The following NRIP1 variants were observed in gnomAD, a reference collection of about 807,000 sequenced individuals.
The protein encoded by NRIP1 is nuclear receptor interacting protein 1, also known as nuclear receptor-interacting protein 1.
NRIP1 carries 28 observed loss-of-function variants against 75.0 expected under a neutral mutation model. The observed-to-expected ratio is 0.37, with a 90% CI of 0.28 to 0.51. The LOEUF is 0.51. Among genes scored for constraint, NRIP1 ranks in the 20% least tolerant of loss-of-function variants. NRIP1 has a pLI of 0.92. For synonymous variants in NRIP1, 526 were observed against 487.6 expected, an observed-to-expected ratio of 1.08 and a Z score of -1.04; for missense variants, 1,435 against 1,343.7, an observed-to-expected ratio of 1.07 and a Z score of -1.06.
intron 2 of NRIP1, among the ~76,000 whole-genome samples, chr21:15,029,586 A>T (rs941966497): frequency 3.9e-5 from 6 of 152,072 alleles, no homozygotes; most frequent in African/African-American, 1.4e-4. Flanking sequence ...GAGGGTAGCA[A>T]TTTTTTTTCT....
At chr21:15,060,818 T>C (rs772982547) in intron 1 of NRIP1, among the ~76,000 whole-genome samples, 14 of 152,168 alleles carry the variant, frequency 9.2e-5, no homozygotes, top group Non-Finnish European at 1.9e-4. Context: ...TGCTTCAGCA[T>C]CAGATGCAAA....
At chr21:15,047,338 G>C (rs1222839947) in intron 1 of NRIP1, among the ~76,000 whole-genome samples, 2 of 152,102 alleles carry the variant, frequency 1.3e-5, no homozygotes, top group Non-Finnish European at 2.9e-5. Context: ...TCAGGAGACA[G>C]AGACCATCCT....
intron 2 of NRIP1, among the ~76,000 whole-genome samples, chr21:15,031,292 T>C (rs80080289): frequency 2.3e-4 from 29 of 126,520 alleles, no homozygotes; most frequent in East Asian, 6.4e-4. Flanking sequence ...GGAAGGCGGT[T>C]GGAGGTTCAC....
At chr21:15,041,871 A>C (rs2147317924) in intron 2 of NRIP1, among the ~76,000 whole-genome samples, 1 of 152,266 alleles carries the variant, frequency 6.6e-6, no homozygotes, top group East Asian at 1.9e-4. Context: ...GATAAAGTAT[A>C]TTTTAAATTT....
intron 3 of NRIP1, among the ~76,000 whole-genome samples, chr21:14,981,768 T>C (rs1309492563): frequency 6.6e-6 from 1 of 152,198 alleles, no homozygotes; most frequent in African/African-American, 2.4e-5. Context: ...CATTTTTCTG[T>C]TGCTTTTTGT....
chr21:15,039,027 A>G (rs1225589310), intron 2 of NRIP1, among the ~76,000 whole-genome samples: 1 of 152,170 alleles, frequency 6.6e-6, no homozygotes, highest in Non-Finnish European at 1.5e-5. Context: ...TTGGAAAAAG[A>G]GAACAGCATA....
At chr21:14,978,241 CTA>C (rs2087131649) in intron 3 of NRIP1, among the ~76,000 whole-genome samples, 1 of 152,132 alleles carries the variant, frequency 6.6e-6, no homozygotes, top group African/African-American at 2.4e-5. Flanking sequence ...AATTTTATTC[CTA>C]TGATTCCAAG....
chr21:15,036,827 G>A (rs894036205), intron 2 of NRIP1, among the ~76,000 whole-genome samples: 2 of 152,224 alleles, frequency 1.3e-5, no homozygotes, highest in East Asian at 1.9e-4. Context: ...TCTGTGAAAT[G>A]ATTCTTTTTT....
chr21:15,041,422 A>G (rs967286662), intron 2 of NRIP1, among the ~76,000 whole-genome samples: 1 of 152,122 alleles, frequency 6.6e-6, no homozygotes, highest in Non-Finnish European at 1.5e-5. Flanking sequence ...AACAACAATC[A>G]AGCTAGCAAA....
intron 3 of NRIP1, among the ~76,000 whole-genome samples, chr21:14,995,080 C>T (rs1315587930): frequency 2.0e-5 from 3 of 152,100 alleles, no homozygotes; most frequent in African/African-American, 7.2e-5. Flanking sequence ...GATGGTATTG[C>T]AAATACAGCT....
At chr21:15,000,444 C>T (rs1296904441) in intron 3 of NRIP1, among the ~76,000 whole-genome samples, 1 of 151,942 alleles carries the variant, frequency 6.6e-6, no homozygotes, top group Non-Finnish European at 1.5e-5. Context: ...CCTGTTAAAA[C>T]AATCTTCCAC....
intron 3 of NRIP1, among the ~76,000 whole-genome samples, chr21:14,976,038 G>A (rs28705212): frequency 0.016 from 2,439 of 152,084 alleles, 71 homozygotes; most frequent in African/African-American, 0.054. Context: ...TTTTAAAAAA[G>A]CATTTGAAAA....
At chr21:14,984,454 C>A (rs2087336151) in intron 3 of NRIP1, among the ~76,000 whole-genome samples, 1 of 150,428 alleles carries the variant, frequency 6.6e-6, no homozygotes, top group Admixed American at 6.6e-5. Flanking sequence ...TGAGCCACTA[C>A]ACCGAGCCTG....
intron 1 of NRIP1, chr21:15,051,947 A>C (rs1437845614): frequency 6.6e-6 from 1 of 152,212 alleles, no homozygotes; most frequent in Non-Finnish European, 1.5e-5. Context: ...CCCTTAATTA[A>C]GCCTAATGCC....
At chr21:15,022,083 C>T (rs529281444) in intron 2 of NRIP1, among the ~76,000 whole-genome samples, 6 of 152,330 alleles carry the variant, frequency 3.9e-5, no homozygotes, top group Admixed American at 2.0e-4. Flanking sequence ...CATAAAGACA[C>T]ATGCACATGT....
chr21:15,023,170 TA>T (rs1323485953), intron 2 of NRIP1, among the ~76,000 whole-genome samples: 1 of 152,168 alleles, frequency 6.6e-6, no homozygotes. Flanking sequence ...TATGTGAACA[TA>T]AAAACTACGG....
chr21:15,005,679 A>C (rs578260696), intron 3 of NRIP1, among the ~76,000 whole-genome samples: 1 of 152,250 alleles, frequency 6.6e-6, no homozygotes, highest in East Asian at 1.9e-4. Context: ...TGAGAAGCAA[A>C]ATTAAAAACA....
At chr21:14,983,048 T>G (rs951981414) in intron 3 of NRIP1, among the ~76,000 whole-genome samples, 1 of 152,070 alleles carries the variant, frequency 6.6e-6, no homozygotes, top group African/African-American at 2.4e-5. Flanking sequence ...ACAACAATAT[T>G]GAAATTAGAT....
At chr21:15,012,205 C>A (rs1275664552) in intron 3 of NRIP1, among the ~76,000 whole-genome samples, 3 of 152,110 alleles carry the variant, frequency 2.0e-5, no homozygotes, top group Non-Finnish European at 2.9e-5. Context: ...TAATGAAAGG[C>A]ATATTGAAAA....
Sources: allele counts gnomAD v4.1 joint callset (sites outside exome capture counted in the v4.1 genomes callset), GRCh38; gene constraint gnomAD v4.1.1; transcripts MANE v1.5; gene names NCBI Gene and HGNC (gene_info 2026-07-23, HGNC 2026-07-21).